The following FECH variants were observed in gnomAD, a reference collection of about 807,000 sequenced individuals.
The protein encoded by FECH is ferrochelatase, mitochondrial.
A neutral mutation model predicts 56.9 loss-of-function variants in FECH; 40 were observed. That is an observed-to-expected ratio of 0.70 (90% confidence interval 0.55 to 0.92). The LOEUF (loss-of-function observed/expected upper bound fraction) is 0.92, where lower values mean the gene tolerates loss of function less well. Ranked by LOEUF, FECH falls within the 40% of genes least tolerant of loss-of-function variation. FECH has a pLI of 0.00. For missense variants in FECH, 431 were observed against 529.1 expected (o/e 0.81, Z 1.82); for synonymous variants, 175 against 198.6 (o/e 0.88, Z 1.00).
chr18:57,573,710 G>A (rs1469328383), intron 2 of FECH, among the ~76,000 whole-genome samples: 3 of 152,208 alleles, frequency 2.0e-5, no homozygotes, highest in African/African-American at 7.2e-5. Context: ...TAAAGCACCT[G>A]TACATGTGAG....
At chr18:57,579,516 C>T (rs929782709) in intron 2 of FECH, among the ~76,000 whole-genome samples, 28 of 152,118 alleles carry the variant, frequency 1.8e-4, no homozygotes, top group African/African-American at 6.8e-4. Flanking sequence ...GTTGTGACTC[C>T]TGTTACTAAA....
At chr18:57,562,772 G>A in intron 6 of FECH, 102 bp downstream of exon 6, 1 of 831,168 alleles carries the variant, frequency 1.2e-6, no homozygotes. Context: ...TTTAAGCAAG[G>A]GAACAGTAAG....
chr18:57,560,303 A>G (rs549721221), intron 6 of FECH, among the ~76,000 whole-genome samples: 6 of 152,356 alleles, frequency 3.9e-5, no homozygotes, highest in Admixed American at 1.3e-4. Context: ...ACACACATAC[A>G]TACACACACA....
chr18:57,586,453 C>A, intron 1 of FECH, 101 bp downstream of exon 1: 1 of 1,320,670 alleles, frequency 7.6e-7, no homozygotes, highest in South Asian at 1.3e-5. Context: ...AGGCCGCTCC[C>A]CGAATCCCCC....
intron 4 of FECH, among the ~76,000 whole-genome samples, chr18:57,571,141 C>T (rs961281144): frequency 2.6e-5 from 4 of 152,172 alleles, no homozygotes; most frequent in Admixed American, 1.3e-4. Flanking sequence ...ACAAACATCT[C>T]GAACTTCCTT....
At chr18:57,569,483 T>G (rs2051064671) in intron 4 of FECH, among the ~76,000 whole-genome samples, 1 of 152,122 alleles carries the variant, frequency 6.6e-6, no homozygotes, top group Non-Finnish European at 1.5e-5. Context: ...AGTTCAAAAG[T>G]AAACTTTACA....
rs145954113 is a variant in FECH at position 57,547,924 on chromosome 18, C to T, written c.*2788G>A. ...GTATTGGAATTACACATGTAAGGCACGGCACCCAGCCTCACATTTAAAGGG... is the reference window on the plus strand; with the variant it reads ...GTATTGGAATTACACATGTAAGGCATGGCACCCAGCCTCACATTTAAAGGG... On this transcript the variant is annotated 3_prime_UTR_variant, in exon 11 of 11. Transcript: ENST00000262093. 2.2e-3 allele frequency among the ~76,000 whole-genome samples: 342 copies of T among 152,226 alleles called. 1 individual carries two copies. Among genetic ancestry groups the T allele is most frequent in the Non-Finnish European group, 4.2e-3 (285 of 68,008 alleles).
intron 5 of FECH, among the ~76,000 whole-genome samples, chr18:57,563,749 T>C (rs2050979569): frequency 6.6e-6 from 1 of 152,094 alleles, no homozygotes; most frequent in South Asian, 2.1e-4. Flanking sequence ...GTTCTTTTTT[T>C]CTTTATAGAT....
chr18:57,553,997 C>A (rs759354815), intron 9 of FECH, among the ~76,000 whole-genome samples: 3 of 152,172 alleles, frequency 2.0e-5, no homozygotes, highest in Admixed American at 6.5e-5. Flanking sequence ...CCCAGTAACT[C>A]AAACTAAACA....
intron 7 of FECH, among the ~76,000 whole-genome samples, chr18:57,556,905 T>C (rs11661387): frequency 0.22 from 21,293 of 95,466 alleles, 2,169 homozygotes; most frequent in South Asian, 0.39. Flanking sequence ...AGTGAGACCC[T>C]GTCTCAAAAA....
At chr18:57,581,572 G>C (rs2051278192) in intron 1 of FECH, among the ~76,000 whole-genome samples, 1 of 152,202 alleles carries the variant, frequency 6.6e-6, no homozygotes, top group South Asian at 2.1e-4. Context: ...GAGGAATTCA[G>C]GCTGTGGGTT....
chr18:57,563,336 C>T (rs1312647359), intron 5 of FECH, among the ~76,000 whole-genome samples: 1 of 152,108 alleles, frequency 6.6e-6, no homozygotes, highest in African/African-American at 2.4e-5. Context: ...AATCCCAGCA[C>T]TTTGGGAGGC....
chr18:57,573,816 G>A (rs2051148806), intron 2 of FECH, among the ~76,000 whole-genome samples: 1 of 152,162 alleles, frequency 6.6e-6, no homozygotes, highest in Middle Eastern at 3.2e-3. Context: ...ATGCTGTTTT[G>A]AGAATTCAGT....
intron 1 of FECH, 138 bp downstream of exon 1, chr18:57,586,416 C>T: frequency 1.0e-6 from 1 of 961,046 alleles, no homozygotes; most frequent in Non-Finnish European, 1.5e-6. Context: ...CGCGACGCCC[C>T]TCGCCCGGTT....
chr18:57,576,744 T>C (rs2051191020), intron 2 of FECH, among the ~76,000 whole-genome samples: 1 of 152,178 alleles, frequency 6.6e-6, no homozygotes, highest in Non-Finnish European at 1.5e-5. Context: ...AATACCTAAA[T>C]ACACATGCAC....
At chr18:57,583,079 G>A (rs1034552538) in intron 1 of FECH, among the ~76,000 whole-genome samples, 3 of 152,178 alleles carry the variant, frequency 2.0e-5, no homozygotes, top group African/African-American at 7.2e-5. Context: ...TCTCAGAGAG[G>A]AGAATGATGT....
Position 57,545,945 on chromosome 18 carries a change from C to T in FECH, c.*4767G>A, listed in dbSNP as rs181056598. ...TACTTCAAGTACTGTAGACAGTTGTCCTTCTATATTGGCAGGGAATTGGTT... is the reference window on the plus strand; with the variant it reads ...TACTTCAAGTACTGTAGACAGTTGTTCTTCTATATTGGCAGGGAATTGGTT... On this transcript the variant is annotated 3_prime_UTR_variant, in exon 11 of 11. Transcript: ENST00000262093. 3.4e-4 allele frequency among the ~76,000 whole-genome samples: 51 copies of T among 152,206 alleles called. No individual in the cohort carries two copies. The highest frequency in any genetic ancestry group is 1.1e-3 in the African/African-American group (47 of 41,520).
At chr18:57,574,704 G>T (rs562754517) in intron 2 of FECH, among the ~76,000 whole-genome samples, 1 of 152,404 alleles carries the variant, frequency 6.6e-6, no homozygotes, top group African/African-American at 2.4e-5. Flanking sequence ...TGGCACGCTG[G>T]CAGGAGCCAC....
chr18:57,579,275 G>GTGTGTATATCTATATATA (rs747294490), intron 2 of FECH, among the ~76,000 whole-genome samples: 6 of 115,112 alleles, frequency 5.2e-5, no homozygotes, highest in South Asian at 2.3e-4. Flanking sequence ...ATATATATAT[G>GTGTGTATATCTATATATA]TGTGTGTGTA....
Sources: allele counts gnomAD v4.1 joint callset (sites outside exome capture counted in the v4.1 genomes callset), GRCh38; gene constraint gnomAD v4.1.1; transcripts MANE v1.5; gene names NCBI Gene and HGNC (gene_info 2026-07-23, HGNC 2026-07-21).